The following ASIC2 variants were observed in gnomAD, a reference collection of about 807,000 sequenced individuals.
The protein encoded by ASIC2 is acid sensing ion channel subunit 2, also known as acid-sensing ion channel 2.
Under a neutral mutation model 57.3 loss-of-function variants are expected in ASIC2, and 25 were observed. The ratio of observed to expected loss-of-function variants is 0.44; its 90% CI spans 0.32 to 0.61. The LOEUF is 0.61. ASIC2 is among the 20% of genes least tolerant of loss of function. ASIC2 has a pLI of 0.06. For missense variants in ASIC2, 641 were observed against 738.1 expected (o/e 0.87, Z 1.52); for synonymous variants, 319 against 307.5 (o/e 1.04, Z -0.39).
At chr17:33,798,418 G>T (rs1268238400) in intron 1 of ASIC2, among the ~76,000 whole-genome samples, 1 of 152,146 alleles carries the variant, frequency 6.6e-6, no homozygotes, top group Non-Finnish European at 1.5e-5. Flanking sequence ...CAGTGGTGAC[G>T]CATGAATTAG....
intron 1 of ASIC2, among the ~76,000 whole-genome samples, chr17:34,095,485 G>A (rs1293753469): frequency 6.6e-6 from 1 of 151,746 alleles, no homozygotes; most frequent in Non-Finnish European, 1.5e-5. Flanking sequence ...GCCAGGACTG[G>A]CAATGCTGCA....
chr17:33,635,895 G>T (rs1481401271), intron 1 of ASIC2, among the ~76,000 whole-genome samples: 1 of 152,172 alleles, frequency 6.6e-6, no homozygotes, highest in African/African-American at 2.4e-5. Context: ...CACTGCAACT[G>T]CAAAACTTAG....
At chr17:34,106,054 G>A (rs751008835) in intron 1 of ASIC2, among the ~76,000 whole-genome samples, 2 of 151,896 alleles carry the variant, frequency 1.3e-5, no homozygotes. Flanking sequence ...AGTCTCGAAT[G>A]TTTCCACAGT....
chr17:33,235,748 C>A (rs932154676), intron 1 of ASIC2, among the ~76,000 whole-genome samples: 1 of 152,122 alleles, frequency 6.6e-6, no homozygotes, highest in African/African-American at 2.4e-5. Flanking sequence ...TGAATTTTGC[C>A]CCAGGATGGA....
At chr17:33,075,435 T>A (rs1255622893) in intron 3 of ASIC2, among the ~76,000 whole-genome samples, 2 of 152,188 alleles carry the variant, frequency 1.3e-5, no homozygotes, top group Admixed American at 1.3e-4. Flanking sequence ...TCACTGAGGT[T>A]CTGAATATAG....
intron 1 of ASIC2, among the ~76,000 whole-genome samples, chr17:33,398,959 A>T (rs1910182104): frequency 6.6e-6 from 1 of 152,206 alleles, no homozygotes; most frequent in Non-Finnish European, 1.5e-5. Context: ...ATAGACTGGG[A>T]CATATCATCA....
chr17:34,023,408 T>C (rs1907258907), intron 1 of ASIC2, among the ~76,000 whole-genome samples: 1 of 123,376 alleles, frequency 8.1e-6, no homozygotes, highest in African/African-American at 2.8e-5. Context: ...CACACACACT[T>C]CAGATTTTGA....
At chr17:33,021,452 T>C in intron 6 of ASIC2, 142 bp from the exon 7 acceptor site, 1 of 670,800 alleles carries the variant, frequency 1.5e-6, no homozygotes, top group South Asian at 1.9e-5. Flanking sequence ...AGCTGGTTAG[T>C]GGCAGAGCTG....
intron 1 of ASIC2, among the ~76,000 whole-genome samples, chr17:33,689,723 T>A (rs1908307249): frequency 6.6e-6 from 1 of 152,232 alleles, no homozygotes; most frequent in Non-Finnish European, 1.5e-5. Flanking sequence ...GGTTTTGAGA[T>A]GATATTTCAT....
intron 1 of ASIC2, among the ~76,000 whole-genome samples, chr17:33,525,457 T>G (rs1450402367): frequency 1.3e-5 from 2 of 152,180 alleles, no homozygotes; most frequent in East Asian, 3.9e-4. Flanking sequence ...GACCCTATCT[T>G]CTGCAGGAAA....
chr17:34,128,629 C>A (rs546854829), intron 1 of ASIC2, among the ~76,000 whole-genome samples: 1 of 152,314 alleles, frequency 6.6e-6, no homozygotes, highest in African/African-American at 2.4e-5. Flanking sequence ...GTAGTTCTAG[C>A]ACTAGAACTG....
rs148534943 is a variant in ASIC2, at chr17:33,852,960, T to C, written c.555+303018A>G. 4.1e-3 allele frequency among the ~76,000 whole-genome samples: 627 copies of C among 152,208 alleles called. 6 individuals carry two copies. Among genetic ancestry groups the C allele is most frequent in the African/African-American group, 0.014 (589 of 41,484 alleles). ...GAACTCCCCACCCTATTGTCATCCCTGATAGAGGAGTTCACCCTAAAGCCT... is the reference window on the plus strand; with the variant it reads ...GAACTCCCCACCCTATTGTCATCCCCGATAGAGGAGTTCACCCTAAAGCCT... On this transcript the variant is annotated intron_variant, in intron 1 of 9. Coordinates refer to the ASIC2 transcript ENST00000359872.
intron 1 of ASIC2, among the ~76,000 whole-genome samples, chr17:33,392,192 T>C (rs1398091422): frequency 3.3e-3 from 46 of 14,130 alleles, no homozygotes; most frequent in African/African-American, 8.7e-3. Context: ...CCTTCCTTCC[T>C]TCCCTCCTTC....
Position 34,099,229 on chromosome 17 carries a change from AAAAG to A in ASIC2, c.555+56745_555+56748del, listed in dbSNP as rs763900982. 6.2e-3 allele frequency among the ~76,000 whole-genome samples: 918 copies of A among 148,186 alleles called. 30 individuals are homozygous for A. The highest frequency in any genetic ancestry group is 0.022 in the African/African-American group (849 of 39,274). On this transcript the variant is annotated intron_variant, in intron 1 of 9. Coordinates refer to the ASIC2 transcript ENST00000359872. The stretch of plus-strand genomic sequence containing the variant: ...GAAAGAAAGGAAAGAAAAGAAAGAA[AAAAG>A]AAAGAGAGAAAGGAAGGAAGGAGGG...
At chr17:33,869,418 G>C (rs1233574288) in intron 1 of ASIC2, among the ~76,000 whole-genome samples, 1 of 152,138 alleles carries the variant, frequency 6.6e-6, no homozygotes, top group African/African-American at 2.4e-5. Context: ...AAAAACACAT[G>C]CCTACATAAA....
intron 1 of ASIC2, among the ~76,000 whole-genome samples, chr17:34,010,851 G>T (rs575968087): frequency 6.6e-6 from 1 of 151,474 alleles, no homozygotes; most frequent in African/African-American, 2.4e-5. Context: ...AACACTCCAG[G>T]CTCCTTCAAT....
chr17:33,795,777 G>A (rs1473681311), intron 1 of ASIC2, among the ~76,000 whole-genome samples: 1 of 152,218 alleles, frequency 6.6e-6, no homozygotes. Context: ...AACTAAGAAA[G>A]CCTAAGTTCT....
At chr17:33,322,837 A>G (rs1485513570) in intron 1 of ASIC2, among the ~76,000 whole-genome samples, 1 of 152,176 alleles carries the variant, frequency 6.6e-6, no homozygotes, top group Non-Finnish European at 1.5e-5. Flanking sequence ...AGGAGGTAGT[A>G]CTTGAATAGC....
intron 1 of ASIC2, among the ~76,000 whole-genome samples, chr17:34,067,825 T>C (rs561931769): frequency 6.6e-6 from 1 of 152,278 alleles, no homozygotes; most frequent in South Asian, 2.1e-4. Context: ...TATGGTCAAA[T>C]TTTTACCAGA....
Sources: gnomAD v4.1 joint callset for allele counts (sites outside exome capture counted in the v4.1 genomes callset) on GRCh38, gnomAD v4.1.1 for gene constraint, MANE v1.5 for transcripts, NCBI Gene and HGNC (gene_info 2026-07-23, HGNC 2026-07-21) for gene names.